PZP: variants seen among roughly 807,000 people sequenced by gnomAD.
The protein encoded by PZP is PZP alpha-2-macroglobulin like, also known as pregnancy zone protein.
A neutral mutation model predicts 179.8 loss-of-function variants in PZP; 150 were observed. The ratio of observed to expected loss-of-function variants is 0.83; its 90% CI spans 0.73 to 0.96. The LOEUF is 0.96. PZP is among the 40% of genes least tolerant of loss of function. The pLI is 0.00. For missense variants in PZP, 1,689 were observed against 1,764.0 expected, an observed-to-expected ratio of 0.96 and a Z score of 0.76; for synonymous variants, 624 against 652.3, an observed-to-expected ratio of 0.96 and a Z score of 0.66.
At chr12:9,201,179 G>A in intron 5 of PZP, 119 bp from the exon 6 acceptor site, 2 of 1,407,022 alleles carry the variant, frequency 1.4e-6, no homozygotes, top group East Asian at 2.3e-5. Context: ...ACAGAAGGAA[G>A]AGAAAATACA....
intron 12 of PZP, 37 bp from the exon 13 acceptor site, chr12:9,192,293 T>C (rs1943502899): frequency 6.3e-7 from 1 of 1,591,096 alleles, no homozygotes; most frequent in Non-Finnish European, 8.6e-7. Context: ...TTTCTTGAGC[T>C]GGACACAGTT....
chr12:9,143,482 G>T, the PZP span, among the ~76,000 whole-genome samples: 1 of 152,096 alleles, frequency 6.6e-6, no homozygotes, highest in Non-Finnish European at 1.5e-5. Context: ...AGAGGAAGGG[G>T]TTTAGAAGGA....
At chr12:9,141,330 ATATTAGTGT>A in the PZP span, among the ~76,000 whole-genome samples, 1 of 152,222 alleles carries the variant, frequency 6.6e-6, no homozygotes, top group African/African-American at 2.4e-5. Context: ...CTAAACCTTT[ATATTAGTGT>A]GCTACTAATG....
chr12:9,152,312 T>C lies in PZP; in HGVS notation c.4122-2A>G, dbSNP rs139149331. 2.1e-5 allele frequency: 34 copies of C among 1,608,058 alleles called. No individual in the cohort carries two copies. Among genetic ancestry groups the C allele is most frequent in the Non-Finnish European group, 2.7e-5 (32 of 1,174,668 alleles). On this transcript the variant is annotated splice_acceptor_variant, in intron 31 of 35. Transcript: ENST00000261336. LOFTEE classifies it high-confidence loss of function. ...GAAGCAGGACGGTTTCCTGTGTAAC[T>C]GTAGTGTCAAAGGAAAAAGAATTTA...
chr12:9,197,918 A>G (rs1218785317), intron 7 of PZP, among the ~76,000 whole-genome samples: 9 of 128,570 alleles, frequency 7.0e-5, no homozygotes, highest in African/African-American at 2.7e-4. Flanking sequence ...TATATTATAT[A>G]TTATATAAGT....
At chr12:9,178,172 G>A (rs182350284) in intron 15 of PZP, among the ~76,000 whole-genome samples, 3 of 152,296 alleles carry the variant, frequency 2.0e-5, no homozygotes, top group African/African-American at 4.8e-5. Flanking sequence ...GTGGTCAACT[G>A]TGATCCAAAC....
At chr12:9,190,511 G>A (rs948788836) in intron 13 of PZP, among the ~76,000 whole-genome samples, 1 of 152,094 alleles carries the variant, frequency 6.6e-6, no homozygotes, top group Non-Finnish European at 1.5e-5. Context: ...GAGGGCGGGA[G>A]GAGGGAGAGC....
intron 13 of PZP, among the ~76,000 whole-genome samples, chr12:9,185,292 G>T (rs553340719): frequency 8.6e-4 from 131 of 152,268 alleles, no homozygotes; most frequent in Non-Finnish European, 1.5e-3. Flanking sequence ...GCAATCACAA[G>T]TATTAACAGC....
intron 23 of PZP, 47 bp from the exon 24 acceptor site, chr12:9,160,537 A>C (rs764495501): frequency 2.6e-6 from 4 of 1,560,044 alleles, no homozygotes; most frequent in Admixed American, 1.8e-5. Flanking sequence ...CAGTTCATAA[A>C]TAGCCAACAT....
intron 14 of PZP, 25 bp from the exon 15 acceptor site, chr12:9,181,157 A>AC (rs1273394953): frequency 1.9e-6 from 3 of 1,613,676 alleles, no homozygotes; most frequent in Non-Finnish European, 2.5e-6. Flanking sequence ...GGAAACGTCA[A>AC]CCAGTGTTTT....
chr12:9,201,205 G>T, intron 5 of PZP, 122 bp downstream of exon 5: 1 of 1,321,222 alleles, frequency 7.6e-7, no homozygotes, highest in Non-Finnish European at 1.1e-6. Context: ...CCTGACAACT[G>T]GGAGTAGGAG....
intron 33 of PZP, 21 bp downstream of exon 33, chr12:9,151,583 C>G (rs747336904): frequency 2.5e-6 from 4 of 1,607,376 alleles, no homozygotes; most frequent in Non-Finnish European, 3.4e-6. Context: ...GTAGTCTCAG[C>G]CAGGATGTCA....
intron 4 of PZP, among the ~76,000 whole-genome samples, 185 bp downstream of exon 4, chr12:9,202,134 G>T (rs1944197578): frequency 6.6e-6 from 1 of 152,126 alleles, no homozygotes; most frequent in South Asian, 2.1e-4. Context: ...ATAAGAGAAA[G>T]AACTTCCTCA....
At chr12:9,138,037 T>C in the PZP span, among the ~76,000 whole-genome samples, 1 of 152,078 alleles carries the variant, frequency 6.6e-6, no homozygotes, top group Non-Finnish European at 1.5e-5. Context: ...CTGTTCTGGC[T>C]AGGGCTTTGG....
Position 9,168,879 on chromosome 12 carries a change from T to A in PZP, c.2097A>T (p.Gly699=). The change falls in exon 17 of 36, where the codon GGA becomes GGT. Residue 699 remains glycine (G), a synonymous_variant. Transcript: ENST00000261336. ...AAATTGCTGTTTTACCTCCATAGTA[T>A]CCTTGACCTACTGCTCCTGCAGACA... is the stretch of plus-strand genomic sequence containing the variant. ...PSVSAGAVGQ[G]YYGAGLGVVE... The A allele has an allele frequency of 1.2e-6, 2 of 1,613,164 alleles. No individual in the cohort carries two copies. Among genetic ancestry groups the A allele is most frequent in the Non-Finnish European group, 1.7e-6 (2 of 1,179,256 alleles).
At position 9,157,289 on chromosome 12, in the gene PZP, G is replaced by A. The variant is rs762184058; in HGVS notation, c.3436C>T (p.His1146Tyr). The A allele has an allele frequency of 3.1e-6, 5 of 1,614,072 alleles. No individual in the cohort carries two copies. In the South Asian group the frequency reaches 5.5e-5, roughly 18 times the overall value. The change falls in exon 28 of 36, where the codon CAT becomes TAT. Residue 1146 changes from histidine to tyrosine, a missense_variant. Transcript: ENST00000261336. The stretch of plus-strand genomic sequence containing the variant: ...GCCTTGGTGTAGACATGGCTCCCAT[G>A]GGTCCCCTCCTTTGCTACATTCCAG... ...SAWNVAKEGT[H>Y]GSHVYTKALL...
rs1406038457 is a variant in PZP at position 9,196,353 on chromosome 12, G to A, written c.1069C>T (p.Gln357Ter). The change falls in exon 10 of 36, where the codon CAA becomes TAA. Residue 357 changes from glutamine (Q) to a stop codon, truncating the protein, a stop_gained. Coordinates refer to ENST00000261336, the MANE Select transcript of PZP (RefSeq NM_002864.3). LOFTEE classifies it high-confidence loss of function. ...ACCTGTGCAAAAAAGGGGATTCCTT[G>A]TCTAAAGTGTGAATCCACTTTCACG... Reference protein sequence around the residue: ...KFVKVDSHFRQGIPFFAQVLL... With the variant: ...KFVKVDSHFR 7.4e-6 allele frequency: 12 copies of A among 1,611,534 alleles called. No homozygotes were observed. Among genetic ancestry groups the A allele is most frequent in the South Asian group, 1.1e-5 (1 of 91,028 alleles).
At chr12:9,183,704 A>T (rs989938108) in intron 13 of PZP, among the ~76,000 whole-genome samples, 1 of 152,196 alleles carries the variant, frequency 6.6e-6, no homozygotes, top group Non-Finnish European at 1.5e-5. Context: ...TTACTTTTTT[A>T]AAATGATTAT....
At chr12:9,144,433 G>C (rs1939899434), downstream of PZP, among the ~76,000 whole-genome samples, 5 of 151,854 alleles carry the variant, frequency 3.3e-5, no homozygotes, top group Admixed American at 3.3e-4. Context: ...TCAGGATCCA[G>C]TGGGATGAGC....
Sources: gnomAD v4.1 joint callset for allele counts (sites outside exome capture counted in the v4.1 genomes callset) on GRCh38, gnomAD v4.1.1 for gene constraint, MANE v1.5 for transcripts, NCBI Gene and HGNC (gene_info 2026-07-23, HGNC 2026-07-21) for gene names.